Variants in RASEF observed in about 807,000 individuals in gnomAD.
RASEF encodes the protein RAS and EF-hand domain containing, also known as ras and EF-hand domain-containing protein.
A neutral mutation model predicts 90.1 loss-of-function variants in RASEF; 68 were observed. That is an observed-to-expected ratio of 0.75 (90% CI 0.62 to 0.92). The LOEUF is 0.92. RASEF is among the 40% of genes least tolerant of loss of function. The probability of loss-of-function intolerance (pLI) is 0.00; values close to 1 mark genes in which losing one functional copy is unlikely to be tolerated. For synonymous variants in RASEF, 331 were observed against 345.2 expected (o/e 0.96, Z 0.46); for missense variants, 949 against 937.2 (o/e 1.01, Z -0.16).
At chr9:83,158,986 AC>A in the RASEF span, among the ~76,000 whole-genome samples, 1 of 151,588 alleles carries the variant, frequency 6.6e-6, no homozygotes. Flanking sequence ...GGAGATCGAG[AC>A]CATCCTGGCT....
the RASEF span, among the ~76,000 whole-genome samples, chr9:83,132,151 TG>T: frequency 6.6e-6 from 1 of 152,118 alleles, no homozygotes; most frequent in Non-Finnish European, 1.5e-5. Context: ...AAAAATACAA[TG>T]AAAGCAGCAC....
intron 3 of RASEF, 140 bp downstream of exon 3, chr9:83,022,196 A>T: frequency 1.5e-6 from 1 of 667,188 alleles, no homozygotes; most frequent in East Asian, 2.5e-5. Flanking sequence ...CACCACCAGT[A>T]AAAATTCCTT....
chr9:83,099,967 T>A, the RASEF span, among the ~76,000 whole-genome samples: 1 of 152,242 alleles, frequency 6.6e-6, no homozygotes, highest in Non-Finnish European at 1.5e-5. Flanking sequence ...ACAGCATCCA[T>A]CATCTTATTT....
chr9:83,109,493 C>T, the RASEF span, among the ~76,000 whole-genome samples: 5 of 152,128 alleles, frequency 3.3e-5, no homozygotes, highest in South Asian at 2.1e-4. Flanking sequence ...CACTCGCAGA[C>T]GTCATTTAAT....
chr9:83,044,508 TA>T (rs200835047), intron 1 of RASEF, among the ~76,000 whole-genome samples: 2,275 of 148,294 alleles, frequency 0.015, 37 homozygotes, highest in South Asian at 0.084. Flanking sequence ...TCTTGGGAAA[TA>T]AAAAAAAAAT....
At chr9:83,180,353 A>C in the RASEF span, among the ~76,000 whole-genome samples, 3 of 152,198 alleles carry the variant, frequency 2.0e-5, no homozygotes, top group African/African-American at 7.2e-5. Flanking sequence ...CATATGGTAA[A>C]AGAGTAACCA....
chr9:83,196,220 G>C, the RASEF span, among the ~76,000 whole-genome samples: 3 of 152,116 alleles, frequency 2.0e-5, no homozygotes, highest in Admixed American at 6.5e-5. Context: ...AACGGTTAAT[G>C]TCAGGGCTGC....
the RASEF span, among the ~76,000 whole-genome samples, chr9:83,218,492 C>T: frequency 1.3e-5 from 2 of 152,034 alleles, no homozygotes; most frequent in African/African-American, 2.4e-5. Context: ...CTCCATCATA[C>T]CCACTCCAAA....
intron 3 of RASEF, among the ~76,000 whole-genome samples, chr9:83,019,346 T>C (rs2118546266): frequency 6.6e-6 from 1 of 152,196 alleles, no homozygotes; most frequent in East Asian, 1.9e-4. Context: ...TATATACACA[T>C]GGCAGATAAA....
chr9:83,079,360 G>A, the RASEF span, among the ~76,000 whole-genome samples: 40 of 152,096 alleles, frequency 2.6e-4, no homozygotes, highest in Admixed American at 2.6e-3. Flanking sequence ...TCATAGATGT[G>A]GGGCCTTATT....
intron 1 of RASEF, among the ~76,000 whole-genome samples, chr9:83,040,385 CAT>C (rs1564085958): frequency 6.6e-6 from 1 of 152,104 alleles, no homozygotes; most frequent in Non-Finnish European, 1.5e-5. Flanking sequence ...TTGTTAATAA[CAT>C]ATATGTGAGT....
the RASEF span, among the ~76,000 whole-genome samples, chr9:83,188,890 A>G: frequency 2.0e-5 from 3 of 152,166 alleles, no homozygotes; most frequent in African/African-American, 4.8e-5. Context: ...GTGGTGTGGT[A>G]CTGTCCACAA....
the RASEF span, among the ~76,000 whole-genome samples, chr9:83,197,528 T>TAAA: frequency 2.6e-5 from 4 of 151,968 alleles, no homozygotes; most frequent in Middle Eastern, 3.4e-3. Context: ...GATGATTTTT[T>TAAA]AAAAAAATTT....
At chr9:83,002,768 G>T (rs1013344779) in intron 9 of RASEF, among the ~76,000 whole-genome samples, 1 of 152,004 alleles carries the variant, frequency 6.6e-6, no homozygotes, top group East Asian at 1.9e-4. Context: ...TCTGAATTAA[G>T]AATTCACCTG....
chr9:83,211,436 T>G, the RASEF span, among the ~76,000 whole-genome samples: 4 of 152,178 alleles, frequency 2.6e-5, no homozygotes, highest in African/African-American at 4.8e-5. Flanking sequence ...AGCAACAACT[T>G]GAACTCCCAA....
At chr9:83,015,432 A>G (rs1587496495) in intron 4 of RASEF, among the ~76,000 whole-genome samples, 1 of 152,144 alleles carries the variant, frequency 6.6e-6, no homozygotes, top group South Asian at 2.1e-4. Flanking sequence ...TGTAATCCCA[A>G]CACTTTGGGA....
At chr9:83,121,645 C>T in the RASEF span, among the ~76,000 whole-genome samples, 1 of 152,162 alleles carries the variant, frequency 6.6e-6, no homozygotes, top group African/African-American at 2.4e-5. Flanking sequence ...TGGCCCTTTA[C>T]TGATAAAACA....
chr9:83,068,681 T>C, the RASEF span, among the ~76,000 whole-genome samples: 1 of 152,242 alleles, frequency 6.6e-6, no homozygotes, highest in Non-Finnish European at 1.5e-5. Context: ...ACAGTTCAGC[T>C]GTTCCTGGAC....
chr9:83,122,103 G>A, the RASEF span, among the ~76,000 whole-genome samples: 1 of 152,138 alleles, frequency 6.6e-6, no homozygotes, highest in African/African-American at 2.4e-5. Flanking sequence ...GAAGGGAAGG[G>A]CAAATTTTGG....
Sources: allele counts gnomAD v4.1 joint callset (sites outside exome capture counted in the v4.1 genomes callset), GRCh38; gene constraint gnomAD v4.1.1; transcripts MANE v1.5; gene names NCBI Gene and HGNC (gene_info 2026-07-23, HGNC 2026-07-21).